CCDC85C: variants seen among roughly 807,000 people sequenced by gnomAD.
CCDC85C encodes the protein coiled-coil domain containing 85C, also known as coiled-coil domain-containing protein 85C.
CCDC85C carries 18 observed loss-of-function variants against 38.3 expected under a neutral mutation model. The observed-to-expected ratio is 0.47, with a 90% CI of 0.33 to 0.70. The LOEUF (loss-of-function observed/expected upper bound fraction) is 0.70, where lower values mean the gene tolerates loss of function less well. Ranked by LOEUF, CCDC85C falls within the 30% of genes least tolerant of loss-of-function variation. The pLI, the probability that CCDC85C is intolerant of heterozygous loss-of-function variation, is 0.03. For synonymous variants in CCDC85C, 264 were observed against 293.8 expected (o/e 0.90, Z 1.04); for missense variants, 566 against 621.2 (o/e 0.91, Z 0.94).
In CCDC85C at chr14:99,501,230, C is replaced by G. The variant is rs1235494541; in HGVS notation, c.*14016G>C. ...GACCCACATCATTCATCCTTGTTTC[C>G]CACGCAAAAGCTCTTTGCTGTGTAT... On this transcript the variant is annotated 3_prime_UTR_variant, in exon 6 of 6. Coordinates refer to ENST00000380243, the MANE Select transcript of CCDC85C (RefSeq NM_001144995.2). 18 of 680,146 alleles carry G rather than the reference C, an allele frequency of 2.6e-5. No homozygotes were observed. Among genetic ancestry groups the G allele is most frequent in the Non-Finnish European group, 3.9e-5 (15 of 379,920 alleles). 42.1% of individuals were successfully genotyped at this position (680,146 alleles called of 1,614,324 possible).
At chr14:99,519,811 G>A (rs188999227) in intron 3 of CCDC85C, among the ~76,000 whole-genome samples, 8 of 152,344 alleles carry the variant, frequency 5.3e-5, no homozygotes, top group Admixed American at 2.6e-4. Context: ...AAGGCCACAC[G>A]TCATGTGATT....
In CCDC85C at chr14:99,539,976, C is replaced by T. The variant is rs559862153; in HGVS notation, c.794-3888G>A. ...AGCCTGGCCAACAAGGTGAAACCCC[C>T]ATCTCTACTAAAAATATAAAAATTA... On this transcript the variant is annotated intron_variant, in intron 1 of 5. Coordinates refer to ENST00000380243, the MANE Select transcript of CCDC85C (RefSeq NM_001144995.2). Among the ~76,000 whole-genome samples, 76 of 152,206 alleles carry T rather than the reference C, an allele frequency of 5.0e-4. 1 individual carries two copies. The highest frequency in any genetic ancestry group is 1.8e-3 in the African/African-American group (73 of 41,538).
chr14:99,502,437 G>A lies in CCDC85C; in HGVS notation c.*12809C>T. On this transcript the variant is annotated 3_prime_UTR_variant, in exon 6 of 6. Coordinates refer to ENST00000380243, the MANE Select transcript of CCDC85C (RefSeq NM_001144995.2). ...CCATGTTGAGATGATTCTTCCATGTGTACCCTGAGTCCCAAGAATGGATTT... is the reference window on the plus strand; with the variant it reads ...CCATGTTGAGATGATTCTTCCATGTATACCCTGAGTCCCAAGAATGGATTT... The A allele has an allele frequency of 1.3e-6, 2 of 1,563,578 alleles. No homozygotes were observed. Among genetic ancestry groups the A allele is most frequent in the Non-Finnish European group, 8.6e-7 (1 of 1,156,110 alleles).
At position 99,535,955 on chromosome 14, in the gene CCDC85C, G is replaced by A. The variant is rs536434723; in HGVS notation, c.867+60C>T. On this transcript the variant is annotated intron_variant, in intron 2 of 5. Coordinates refer to ENST00000380243, the MANE Select transcript of CCDC85C (RefSeq NM_001144995.2). The surrounding 1 kb of genome is among the most constrained non-coding windows in gnomAD (Gnocchi z 5.5). ...CCAAGGGGAAGGGTGCCCTGGGTGA[G>A]CTGGAGGGGTGGGTGCTGGGTCGCG... is the stretch of plus-strand genomic sequence containing the variant. 31 of 1,293,092 alleles carry A rather than the reference G, an allele frequency of 2.4e-5. No individual in the cohort carries two copies. The African/African-American group carries it at 4.1e-4, about 17-fold the overall frequency. 80.1% of individuals were successfully genotyped at this position (1,293,092 alleles called of 1,614,324 possible).
At chr14:99,595,206 G>A (rs911165332) in intron 1 of CCDC85C, among the ~76,000 whole-genome samples, 3 of 152,110 alleles carry the variant, frequency 2.0e-5, no homozygotes, top group African/African-American at 7.2e-5. Flanking sequence ...AATGCCCACC[G>A]CATGACTTTG....
chr14:99,583,577 C>T (rs1425954246), intron 1 of CCDC85C, among the ~76,000 whole-genome samples: 2 of 150,948 alleles, frequency 1.3e-5, no homozygotes, highest in African/African-American at 2.4e-5. Context: ...GAGGCCGAGG[C>T]GGGCGGATCA....
intron 1 of CCDC85C, among the ~76,000 whole-genome samples, chr14:99,574,980 G>A (rs1431239546): frequency 1.3e-5 from 2 of 152,242 alleles, no homozygotes; most frequent in African/African-American, 4.8e-5. Context: ...ACTGGTCAAG[G>A]TCACAGGGCA....
chr14:99,519,105 T>A lies in CCDC85C; in HGVS notation c.976-1922A>T, dbSNP rs1897269820. ...TTTACATGTTCATACATGCCTTTTT[T>A]TTTTTTTTTTTTTTTTTTTTTTTTT... On this transcript the variant is annotated intron_variant, in intron 3 of 5. Transcript: ENST00000380243. 1.2e-4 allele frequency among the ~76,000 whole-genome samples: 14 copies of A among 113,616 alleles called. No homozygotes were observed. The East Asian group carries it at 3.6e-3, about 29-fold the overall frequency. 74.5% of individuals were successfully genotyped at this position (113,616 alleles called of 152,430 possible). A position where few individuals can be genotyped will look rare whatever the true frequency, so the allele number is the denominator to read the frequency against.
At chr14:99,515,476 C>G (rs938379177) in intron 5 of CCDC85C, 141 bp from the exon 6 acceptor site, 1 of 623,040 alleles carries the variant, frequency 1.6e-6, no homozygotes, top group Non-Finnish European at 2.9e-6. Flanking sequence ...CCACTGCAGG[C>G]CCAGAGACAC....
rs1896893505 is a variant in CCDC85C at position 99,503,515 on chromosome 14, C to G, written c.*11731G>C. On this transcript the variant is annotated 3_prime_UTR_variant, in exon 6 of 6. Transcript: ENST00000380243. The stretch of plus-strand genomic sequence containing the variant: ...TTTTGTCCGAGGCTGTTCACAGTGA[C>G]TGCCGTCGCTGATTCTGGTGGTACC... 2 of 1,057,608 alleles carry G rather than the reference C, an allele frequency of 1.9e-6. No homozygotes were observed. Among genetic ancestry groups the G allele is most frequent in the African/African-American group, 1.6e-5 (1 of 62,014 alleles). The allele number at this position is 1,057,608 out of a possible 1,614,324, so 65.5% of individuals were successfully genotyped here.
chr14:99,598,009 G>A (rs1335424364), intron 1 of CCDC85C, among the ~76,000 whole-genome samples: 1 of 152,242 alleles, frequency 6.6e-6, no homozygotes, highest in African/African-American at 2.4e-5. Flanking sequence ...CATAAAGCAG[G>A]TGGCAAAGCC....
At position 99,503,892 on chromosome 14, in the gene CCDC85C, T is replaced by C. The variant is rs1896905741; in HGVS notation, c.*11354A>G. ...ATAAAAATGTACTCAGTAACATATA[T>C]AAAAGTATAATTATGGCTGTAGGAG... On this transcript the variant is annotated 3_prime_UTR_variant, in exon 6 of 6. Coordinates refer to ENST00000380243, the MANE Select transcript of CCDC85C (RefSeq NM_001144995.2). 1 of 518,234 alleles carries C rather than the reference T, an allele frequency of 1.9e-6. No homozygotes were observed. Among genetic ancestry groups the C allele is most frequent in the Non-Finnish European group, 3.4e-6 (1 of 291,798 alleles). 32.1% of individuals were successfully genotyped at this position (518,234 alleles called of 1,614,324 possible).
At position 99,503,527 on chromosome 14, in the gene CCDC85C, A is replaced by AT; in HGVS notation, c.*11718dup. ...CTGTTCACAGTGACTGCCGTCGCTG[A>AT]TTCTGGTGGTACCTGGATAATCCAT... On this transcript the variant is annotated 3_prime_UTR_variant, in exon 6 of 6. Transcript: ENST00000380243. 5.7e-6 allele frequency: 7 copies of AT among 1,228,958 alleles called. No individual in the cohort carries two copies. The highest frequency in any genetic ancestry group is 6.9e-6 in the Non-Finnish European group (6 of 868,638). 76.1% of individuals were successfully genotyped at this position (1,228,958 alleles called of 1,614,324 possible).
intron 1 of CCDC85C, among the ~76,000 whole-genome samples, chr14:99,570,368 G>A (rs1181811018): frequency 6.6e-6 from 1 of 152,212 alleles, no homozygotes; most frequent in Non-Finnish European, 1.5e-5. Flanking sequence ...AGGATGGTGG[G>A]GGAGGTGCTG....
At chr14:99,589,042 C>T (rs983996730) in intron 1 of CCDC85C, among the ~76,000 whole-genome samples, 6 of 137,428 alleles carry the variant, frequency 4.4e-5, no homozygotes, top group African/African-American at 1.5e-4. Context: ...ATCGACCCAA[C>T]CCTAAAGCCC....
chr14:99,546,267 CG>C (rs777243674), intron 1 of CCDC85C, among the ~76,000 whole-genome samples: 5 of 151,838 alleles, frequency 3.3e-5, no homozygotes, highest in Admixed American at 6.6e-5. Context: ...AGCTCTGCCC[CG>C]GAGCCTGCTT....
chr14:99,521,756 C>T (rs920419397), intron 3 of CCDC85C, among the ~76,000 whole-genome samples: 2 of 152,226 alleles, frequency 1.3e-5, no homozygotes, highest in Non-Finnish European at 2.9e-5. Flanking sequence ...GCAGAGGATA[C>T]CCCTGGAGGC....
rs141585389 is a variant in CCDC85C, at chr14:99,541,488, C to T, written c.794-5400G>A. Among the ~76,000 whole-genome samples the T allele has an allele frequency of 4.9e-3, 745 of 152,292 alleles. 9 individuals are homozygous for T. The highest frequency in any genetic ancestry group is 0.016 in the African/African-American group (683 of 41,542). On this transcript the variant is annotated intron_variant, in intron 1 of 5. Transcript: ENST00000380243. ...ACTGAGAGAGGAGGAATCAACTTCA[C>T]GTGGGTTATGTGGGTGGCAACCCCA...
chr14:99,559,919 C>G (rs1898084569), intron 1 of CCDC85C, among the ~76,000 whole-genome samples: 1 of 152,018 alleles, frequency 6.6e-6, no homozygotes, highest in Non-Finnish European at 1.5e-5. Context: ...CAGCAGAGGC[C>G]ACGGGACTGG....
Sources: allele counts gnomAD v4.1 joint callset (sites outside exome capture counted in the v4.1 genomes callset), GRCh38; gene constraint gnomAD v4.1.1; non-coding constraint Gnocchi (gnomAD v3.1); transcripts MANE v1.5; gene names NCBI Gene and HGNC (gene_info 2026-07-23, HGNC 2026-07-21).